The following CEP126 variants were observed in gnomAD, a reference collection of about 807,000 sequenced individuals.
CEP126 encodes centrosomal protein 126, also known as centrosomal protein of 126 kDa.
CEP126 carries 74 observed loss-of-function variants against 107.8 expected under a neutral mutation model. The ratio of observed to expected loss-of-function variants is 0.69; its 90% CI spans 0.57 to 0.83. The LOEUF (loss-of-function observed/expected upper bound fraction) is 0.83, where lower values mean the gene tolerates loss of function less well. Ranked by LOEUF, CEP126 falls within the 40% of genes least tolerant of loss-of-function variation. CEP126 has a pLI of 0.00. For missense variants in CEP126, 1,237 were observed against 1,281.9 expected, an observed-to-expected ratio of 0.96 and a Z score of 0.53; for synonymous variants, 449 against 446.0, an observed-to-expected ratio of 1.01 and a Z score of -0.08.
rs1180190723 is a variant in CEP126, at chr11:101,958,363, G to T, written c.702G>T (p.Leu234Phe). The T allele has an allele frequency of 6.2e-7, 1 of 1,612,158 alleles. No homozygotes were observed. The highest frequency in any genetic ancestry group is 8.5e-7 in the Non-Finnish European group (1 of 1,178,996). Reference protein sequence around the residue: ...KLLEDQHLSNLQKFCDEVNQI... With the variant: ...KLLEDQHLSNFQKFCDEVNQI... ...TCGAAGATCAACATCTAAGCAATTTGCAAGTATGAAACTATAAAAATGTTG... is the reference window on the plus strand; with the variant it reads ...TCGAAGATCAACATCTAAGCAATTTTCAAGTATGAAACTATAAAAATGTTG... Residue 234 changes from leucine to phenylalanine, a missense_variant, in exon 5 of 11, where the codon TTG becomes TTT. This residue lies in a region of CEP126 where 1,134 missense variants were observed against 1,150.5 expected (regional missense o/e 0.99). Transcript: ENST00000263468.
intron 1 of CEP126, among the ~76,000 whole-genome samples, chr11:101,919,259 C>T (rs539178065): frequency 6.6e-6 from 1 of 152,196 alleles, no homozygotes; most frequent in Non-Finnish European, 1.5e-5. Context: ...ATCGAATCAA[C>T]ATAGCTTTAA....
At chr11:101,996,804 C>A (rs1415458889) in intron 10 of CEP126, among the ~76,000 whole-genome samples, 1 of 152,042 alleles carries the variant, frequency 6.6e-6, no homozygotes, top group Non-Finnish European at 1.5e-5. Flanking sequence ...CTAATGTTCC[C>A]ATAGGTTTCC....
intron 6 of CEP126, among the ~76,000 whole-genome samples, chr11:101,975,819 T>C (rs981545517): frequency 1.3e-5 from 2 of 152,316 alleles, no homozygotes; most frequent in African/African-American, 2.4e-5. Context: ...CTCCCACTTA[T>C]AAGTGAGAAC....
At chr11:101,945,647 G>C (rs1940724704) in intron 3 of CEP126, among the ~76,000 whole-genome samples, 1 of 152,132 alleles carries the variant, frequency 6.6e-6, no homozygotes, top group South Asian at 2.1e-4. Context: ...ATTATACTGA[G>C]CTGAGAGACA....
In CEP126 at chr11:101,958,159, G is replaced by C. The variant is rs1940924151; in HGVS notation, c.507-9G>C. 1 of 1,610,296 alleles carries C rather than the reference G, an allele frequency of 6.2e-7. No homozygotes were observed. The highest frequency in any genetic ancestry group is 8.5e-7 in the Non-Finnish European group (1 of 1,178,410). ...AATGTACTAAGCACTTTTTATGTCT[G>C]GTTCACAGAGCTATAGATTCTGCCT... On this transcript the variant is annotated splice_polypyrimidine_tract_variant and intron_variant, in intron 4 of 10. Transcript: ENST00000263468.
intron 4 of CEP126, chr11:101,956,272 T>G (rs980874809): frequency 2.2e-6 from 1 of 456,338 alleles, no homozygotes. Flanking sequence ...CTCCACTGGT[T>G]GTTTCCCCAA....
At position 101,962,089 on chromosome 11, in the gene CEP126, C is replaced by G; in HGVS notation, c.1054C>G (p.Pro352Ala). The change falls in exon 6 of 11, where the codon CCT becomes GCT. Residue 352 changes from proline (P) to alanine (A), a missense_variant. Physicochemically the swap from Pro to Ala is conservative, Grantham distance 27. This residue lies in a region of CEP126 where 1,134 missense variants were observed against 1,150.5 expected (regional missense o/e 0.99). Coordinates refer to ENST00000263468, the MANE Select transcript of CEP126 (RefSeq NM_020802.4). ...YFNSKEQNPS[P>A]LNGTVERATN... ...TAATAGTAAAGAACAAAATCCATCT[C>G]CTTTGAATGGAACAGTGGAAAGAGC... 1.2e-6 allele frequency: 2 copies of G among 1,612,306 alleles called. No individual in the cohort carries two copies. The highest frequency in any genetic ancestry group is 1.7e-6 in the Non-Finnish European group (2 of 1,179,198).
chr11:101,976,765 C>T (rs1357264060), intron 6 of CEP126, among the ~76,000 whole-genome samples: 1 of 152,158 alleles, frequency 6.6e-6, no homozygotes, highest in East Asian at 1.9e-4. Flanking sequence ...TAAGCAGGCT[C>T]AGAAGGTTAA....
At chr11:101,994,949 T>C (rs912143533) in intron 10 of CEP126, among the ~76,000 whole-genome samples, 1 of 151,414 alleles carries the variant, frequency 6.6e-6, no homozygotes, top group African/African-American at 2.4e-5. Flanking sequence ...TAGGTATACA[T>C]GTCCCGTGGT....
intron 2 of CEP126, among the ~76,000 whole-genome samples, chr11:101,929,885 G>A (rs543025686): frequency 6.6e-6 from 1 of 152,078 alleles, no homozygotes; most frequent in Admixed American, 6.5e-5. Flanking sequence ...TGTTTGGATG[G>A]AGTGACAGGA....
chr11:101,961,940 C>T lies in CEP126; in HGVS notation c.905C>T (p.Ala302Val), dbSNP rs561972958. 4.3e-6 allele frequency: 7 copies of T among 1,610,584 alleles called. No individual in the cohort carries two copies. Among genetic ancestry groups the T allele is most frequent in the Non-Finnish European group, 5.9e-6 (7 of 1,178,352 alleles). ...NLSCFDEDKLAFSKTQHINNW... is the reference protein window; with the variant it reads ...NLSCFDEDKLVFSKTQHINNW... ...AGCTGCTTTGATGAAGATAAACTGGCATTCTCTAAAACTCAACATATAAAT... is the reference window on the plus strand; with the variant it reads ...AGCTGCTTTGATGAAGATAAACTGGTATTCTCTAAAACTCAACATATAAAT... The change falls in exon 6 of 11, where the codon GCA becomes GTA. Residue 302 changes from alanine to valine, a missense_variant. Transcript: ENST00000263468.
chr11:101,920,665 G>A lies in CEP126; in HGVS notation c.129-1976G>A, dbSNP rs114100180. On this transcript the variant is annotated intron_variant, in intron 1 of 10. Transcript: ENST00000263468. ...GTTGCCCAGGCTGGAGTATAGTGGC[G>A]TGTTCTTAGCTCACTGCAGACTCAA... Among the ~76,000 whole-genome samples, 446 of 150,874 alleles carry A rather than the reference G, an allele frequency of 3.0e-3. 3 individuals are homozygous for A. Among genetic ancestry groups the A allele is most frequent in the African/African-American group, 0.01 (410 of 40,958 alleles).
chr11:101,986,169 G>C (rs1479863517), intron 8 of CEP126, among the ~76,000 whole-genome samples: 1 of 151,962 alleles, frequency 6.6e-6, no homozygotes, highest in Non-Finnish European at 1.5e-5. Flanking sequence ...TTTTAGTACA[G>C]ACGAGGTTTC....
rs545324129 is a variant in CEP126, at chr11:101,947,350, C to T, written c.395-681C>T. ...TATGATGGGAGGAAAATGATGTCTCCATTTGAGAGGGTTGTAGGAGAAGAC... is the reference window on the plus strand; with the variant it reads ...TATGATGGGAGGAAAATGATGTCTCTATTTGAGAGGGTTGTAGGAGAAGAC... On this transcript the variant is annotated intron_variant, in intron 3 of 10. Transcript: ENST00000263468. 3.3e-5 allele frequency among the ~76,000 whole-genome samples: 5 copies of T among 152,028 alleles called. No homozygotes were observed. The South Asian group carries it at 1.0e-3, about 32-fold the overall frequency.
In CEP126 at chr11:101,922,681, C is replaced by T. The variant is rs765777239; in HGVS notation, c.169C>T (p.Arg57Cys). 8.7e-6 allele frequency: 14 copies of T among 1,607,374 alleles called. No homozygotes were observed. Among genetic ancestry groups the T allele is most frequent in the Admixed American group, 5.0e-5 (3 of 59,988 alleles). The part of the protein sequence containing the change: ...IHLEKNLEEE[R>C]QILLQQQKIC... ...TCTGGAGAAAAATTTAGAAGAAGAG[C>T]GCCAGATATTACTGCAGCAACAAAA... Residue 57 changes from arginine to cysteine, a missense_variant, in exon 2 of 11, where the codon CGC becomes TGC. Arg to Cys is a radical substitution (Grantham distance 180, BLOSUM62 -3). Coordinates refer to ENST00000263468, the MANE Select transcript of CEP126 (RefSeq NM_020802.4).
intron 2 of CEP126, among the ~76,000 whole-genome samples, chr11:101,938,026 G>A (rs1591274103): frequency 2.0e-5 from 3 of 151,348 alleles, no homozygotes; most frequent in South Asian, 2.1e-4. Flanking sequence ...GGTGGCGGAC[G>A]CCTGTAGTCC....
intron 1 of CEP126, among the ~76,000 whole-genome samples, chr11:101,919,182 A>G (rs1399201797): frequency 6.6e-6 from 1 of 152,174 alleles, no homozygotes; most frequent in East Asian, 1.9e-4. Context: ...GGAGCACTGT[A>G]GTCGTCCAAG....
chr11:101,994,668 C>T (rs138930251), intron 10 of CEP126, among the ~76,000 whole-genome samples: 42 of 152,234 alleles, frequency 2.8e-4, no homozygotes, highest in African/African-American at 7.7e-4. Flanking sequence ...TGTTGAAGAT[C>T]AGATGGTTAT....
At chr11:101,967,046 T>TTTTA (rs1941065735) in intron 6 of CEP126, among the ~76,000 whole-genome samples, 1 of 145,570 alleles carries the variant, frequency 6.9e-6, no homozygotes, top group Non-Finnish European at 1.5e-5. Context: ...TTTTTTTTTT[T>TTTTA]GAGATGGGGT....
Sources: allele counts gnomAD v4.1 joint callset (sites outside exome capture counted in the v4.1 genomes callset), GRCh38; gene constraint gnomAD v4.1.1; regional missense constraint gnomAD v4.1.1; transcripts MANE v1.5; gene names NCBI Gene and HGNC (gene_info 2026-07-23, HGNC 2026-07-21).